The following RYR3 variants were observed in gnomAD, a reference collection of about 807,000 sequenced individuals.
RYR3 encodes brain ryanodine receptor-calcium release channel.
RYR3 carries 207 observed loss-of-function variants against 584.3 expected under a neutral mutation model. The observed-to-expected ratio is 0.35, with a 90% CI of 0.32 to 0.40. RYR3 has a LOEUF of 0.40. Among genes scored for constraint, RYR3 ranks in the 10% least tolerant of loss-of-function variants. The probability of loss-of-function intolerance (pLI) is 1.00; values close to 1 mark genes in which losing one functional copy is unlikely to be tolerated. For synonymous variants in RYR3, 2,416 were observed against 2,248.5 expected (o/e 1.07, Z -2.11); for missense variants, 5,616 against 6,089.2 (o/e 0.92, Z 2.59).
rs775452511 is a variant in RYR3 at position 33,812,876 on chromosome 15, C to T, written c.10271C>T (p.Ala3424Val). The change falls in exon 73 of 104, where the codon GCT becomes GTT. Residue 3424 changes from alanine (A) to valine (V), a missense_variant. Coordinates refer to ENST00000634891, the MANE Select transcript of RYR3 (RefSeq NM_001036.6). ...LHLQEKSDDPAVKWQLNLYKD... is the reference protein window; with the variant it reads ...LHLQEKSDDPVVKWQLNLYKD... ...TTCAATTTTCAGTCTGATGACCCAGCTGTAAAATGGCAACTGAACCTCTAC... is the reference window on the plus strand; with the variant it reads ...TTCAATTTTCAGTCTGATGACCCAGTTGTAAAATGGCAACTGAACCTCTAC... The T allele has an allele frequency of 1.2e-6, 2 of 1,613,794 alleles. No homozygotes were observed. Among genetic ancestry groups the T allele is most frequent in the Non-Finnish European group, 1.7e-6 (2 of 1,179,746 alleles).
chr15:33,698,418 C>T (rs957958935), intron 40 of RYR3, among the ~76,000 whole-genome samples: 1 of 152,098 alleles, frequency 6.6e-6, no homozygotes, highest in African/African-American at 2.4e-5. Flanking sequence ...CTCTGTCAAC[C>T]GAACTCCTGA....
intron 67 of RYR3, among the ~76,000 whole-genome samples, chr15:33,797,718 T>A (rs1459532341): frequency 6.6e-6 from 1 of 152,138 alleles, no homozygotes; most frequent in Non-Finnish European, 1.5e-5. Context: ...ATGCTCTTGC[T>A]ACTCACAGTC....
At position 33,513,141 on chromosome 15, in the gene RYR3, CTT is replaced by C. The variant is rs572855316; in HGVS notation, c.279+9404_279+9405del. 2.7e-3 allele frequency among the ~76,000 whole-genome samples: 417 copies of C among 152,312 alleles called. 2 individuals are homozygous for C. Among genetic ancestry groups the C allele is most frequent in the Admixed American group, 5.9e-3 (90 of 15,300 alleles). The stretch of plus-strand genomic sequence containing the variant: ...TTTAAATCCTAGGAGAATGGAAACT[CTT>C]CAGTTTATTTATTAGAGTTTTCCTT... On this transcript the variant is annotated intron_variant, in intron 3 of 103. Transcript: ENST00000634891.
At position 33,844,941 on chromosome 15, in the gene RYR3, A is replaced by G. The variant is rs767228143; in HGVS notation, c.13376A>G (p.Glu4459Gly). ...TCCTTTAATGACGAGGAAGAGGAAGAAGCGATGGTATTCTTTGTCCTTCAG... is the reference window on the plus strand; with the variant it reads ...TCCTTTAATGACGAGGAAGAGGAAGGAGCGATGGTATTCTTTGTCCTTCAG... ...WNSFNDEEEE[E>G]AMVFFVLQES... Residue 4459 changes from glutamate to glycine, a missense_variant, in exon 93 of 104, where the codon GAA (glutamate) becomes GGA (glycine). Coordinates refer to ENST00000634891, the MANE Select transcript of RYR3 (RefSeq NM_001036.6). The G allele has an allele frequency of 1.2e-6, 2 of 1,613,914 alleles. No homozygotes were observed. Among genetic ancestry groups the G allele is most frequent in the African/African-American group, 1.3e-5 (1 of 74,938 alleles).
chr15:33,853,716 GCTAAAA>G, intron 96 of RYR3, 34 bp downstream of exon 96: 1 of 1,601,626 alleles, frequency 6.2e-7, no homozygotes, highest in Non-Finnish European at 8.5e-7. Context: ...ATCCAAAGCA[GCTAAAA>G]TAGATAGATC....
intron 99 of RYR3, 49 bp downstream of exon 99, chr15:33,857,963 C>G (rs752373819): frequency 3.1e-6 from 5 of 1,606,132 alleles, no homozygotes; most frequent in Middle Eastern, 3.6e-4. Context: ...CGGGGCCACC[C>G]CGCCCCACCA....
chr15:33,436,654 C>A (rs1241479111), intron 1 of RYR3, among the ~76,000 whole-genome samples: 1 of 147,354 alleles, frequency 6.8e-6, no homozygotes, highest in Non-Finnish European at 1.5e-5. Context: ...GTGCCTGCCA[C>A]CACGCCAGGC....
chr15:33,455,708 T>C (rs2047498243), intron 1 of RYR3, among the ~76,000 whole-genome samples: 1 of 152,134 alleles, frequency 6.6e-6, no homozygotes, highest in Admixed American at 6.5e-5. Flanking sequence ...AGCTTTGTCA[T>C]AGGAACAGAG....
chr15:33,555,655 A>C (rs191587836), intron 10 of RYR3, among the ~76,000 whole-genome samples: 12 of 152,348 alleles, frequency 7.9e-5, no homozygotes, highest in Admixed American at 7.8e-4. Flanking sequence ...TAGCTGTGAA[A>C]ATTAAATGAG....
At chr15:33,747,412 TG>T (rs1455728969) in intron 53 of RYR3, among the ~76,000 whole-genome samples, 1 of 142,990 alleles carries the variant, frequency 7.0e-6, no homozygotes, top group African/African-American at 2.6e-5. Context: ...GTTTCACTGT[TG>T]TCACCCTTTT....
chr15:33,479,873 TAAATC>T (rs1458177518), intron 2 of RYR3, among the ~76,000 whole-genome samples: 2 of 152,200 alleles, frequency 1.3e-5, no homozygotes, highest in Non-Finnish European at 2.9e-5. Flanking sequence ...ATATTTTGCT[TAAATC>T]AAACAGGAAC....
chr15:33,372,808 T>C (rs1043896372), intron 1 of RYR3, among the ~76,000 whole-genome samples: 4 of 152,210 alleles, frequency 2.6e-5, no homozygotes, highest in Admixed American at 2.6e-4. Context: ...GCCCTGCCCA[T>C]AAAGCTTTGA....
At chr15:33,616,383 T>A (rs1197499446) in intron 19 of RYR3, among the ~76,000 whole-genome samples, 1 of 152,078 alleles carries the variant, frequency 6.6e-6, no homozygotes, top group Non-Finnish European at 1.5e-5. Context: ...AGTGGAGGGA[T>A]TTTTTTGGAA....
At chr15:33,799,848 G>GTGTC (rs777128695) in intron 67 of RYR3, among the ~76,000 whole-genome samples, 55 of 152,306 alleles carry the variant, frequency 3.6e-4, no homozygotes, top group South Asian at 1.0e-3. Context: ...CATTCAGTCA[G>GTGTC]TGTCTGAAGA....
intron 1 of RYR3, among the ~76,000 whole-genome samples, chr15:33,365,397 G>A (rs1024726034): frequency 2.0e-5 from 3 of 152,200 alleles, no homozygotes; most frequent in East Asian, 1.9e-4. Flanking sequence ...TCAGCACTGC[G>A]AGGGGCAGAG....
intron 1 of RYR3, among the ~76,000 whole-genome samples, chr15:33,464,176 A>AG (rs1342609198): frequency 2.0e-5 from 3 of 152,036 alleles, no homozygotes; most frequent in Non-Finnish European, 2.9e-5. Context: ...TTGGAAAAGA[A>AG]TATTAAGCAA....
intron 60 of RYR3, among the ~76,000 whole-genome samples, chr15:33,760,620 TACAA>T (rs1468801352): frequency 1.3e-5 from 2 of 152,166 alleles, no homozygotes; most frequent in African/African-American, 4.8e-5. Context: ...CTTAGAGACC[TACAA>T]ACAGACTTAG....
Position 33,633,161 on chromosome 15 carries a change from A to G in RYR3, c.3027+53A>G. 3.1e-6 allele frequency: 5 copies of G among 1,591,888 alleles called. No individual in the cohort carries two copies. In the South Asian group the frequency reaches 5.7e-5, roughly 18 times the overall value. The stretch of plus-strand genomic sequence containing the variant: ...GAAAACTTAGAAGATATGATCATCC[A>G]CGTGCCGTTTTGCTTTGGTGTGTGT... On this transcript the variant is annotated intron_variant, in intron 24 of 103. Transcript: ENST00000634891.
rs546231847 is a variant in RYR3, at chr15:33,485,493, G to A, written c.171+11955G>A. Reference sequence around the variant, plus strand: ...AGTGTGCAAAATTGCCGATACAGTGGAAAGGCCTGGTGTTAAGAACAGAGA... The same window carrying A: ...AGTGTGCAAAATTGCCGATACAGTGAAAAGGCCTGGTGTTAAGAACAGAGA... On this transcript the variant is annotated intron_variant, in intron 2 of 103. Coordinates refer to ENST00000634891, the MANE Select transcript of RYR3 (RefSeq NM_001036.6). Among the ~76,000 whole-genome samples, 209 of 152,276 alleles carry A rather than the reference G, an allele frequency of 1.4e-3. 1 individual carries two copies. The highest frequency in any genetic ancestry group is 3.4e-3 in the Admixed American group (52 of 15,292).
Sources: allele counts gnomAD v4.1 joint callset (sites outside exome capture counted in the v4.1 genomes callset), GRCh38; gene constraint gnomAD v4.1.1; transcripts MANE v1.5; gene names NCBI Gene and HGNC (gene_info 2026-07-23, HGNC 2026-07-21).